The following RTF2 variants were observed in gnomAD, a reference collection of about 807,000 sequenced individuals.
RTF2 encodes UPF0549 protein C20orf43.
RTF2 carries 18 observed loss-of-function variants against 38.0 expected under a neutral mutation model. The observed-to-expected ratio is 0.47, with a 90% CI of 0.33 to 0.70. RTF2 has a LOEUF of 0.70. Among genes scored for constraint, RTF2 ranks in the 30% least tolerant of loss-of-function variants. RTF2 has a pLI of 0.02. For missense variants in RTF2, 311 were observed against 379.6 expected (o/e 0.82, Z 1.50); for synonymous variants, 126 against 137.1 (o/e 0.92, Z 0.57).
At chr20:56,468,890 A>T in intron 1 of RTF2, 124 bp downstream of exon 1, 1 of 723,192 alleles carries the variant, frequency 1.4e-6, no homozygotes. Flanking sequence ...CTTTTATTCC[A>T]TTCAGAGGAC....
intron 5 of RTF2, chr20:56,496,909 C>T: frequency 2.6e-6 from 4 of 1,551,692 alleles, no homozygotes; most frequent in Non-Finnish European, 3.5e-6. Context: ...GGTTGGATTA[C>T]TCCAGGAGTA....
intron 3 of RTF2, among the ~76,000 whole-genome samples, chr20:56,476,381 G>A (rs1292912140): frequency 1.3e-5 from 2 of 152,188 alleles, no homozygotes; most frequent in East Asian, 3.9e-4. Flanking sequence ...AGAGCTTTCT[G>A]TTAGTGGAGT....
intron 5 of RTF2, among the ~76,000 whole-genome samples, chr20:56,508,206 G>C (rs1459919513): frequency 6.6e-6 from 1 of 152,160 alleles, no homozygotes; most frequent in Non-Finnish European, 1.5e-5. Flanking sequence ...AAATAACCCA[G>C]CTAAGGCAGG....
At chr20:56,501,820 A>G (rs1983945988) in intron 5 of RTF2, among the ~76,000 whole-genome samples, 1 of 152,160 alleles carries the variant, frequency 6.6e-6, no homozygotes, top group Non-Finnish European at 1.5e-5. Flanking sequence ...GTGAGCCGTG[A>G]TCATGCCCAC....
At chr20:56,475,480 AG>A (rs1166053619) in intron 3 of RTF2, among the ~76,000 whole-genome samples, 1 of 152,160 alleles carries the variant, frequency 6.6e-6, no homozygotes. Context: ...GGTTGATTAT[AG>A]GATATGTTCA....
At chr20:56,482,629 A>G (rs936819865) in intron 4 of RTF2, among the ~76,000 whole-genome samples, 2 of 152,272 alleles carry the variant, frequency 1.3e-5, no homozygotes, top group Non-Finnish European at 2.9e-5. Context: ...CTTCCTAATA[A>G]TTTGTAAGTA....
Position 56,519,381 on chromosome 20 carries a change from G to C in RTF2, c.*1116G>C, listed in dbSNP as rs949522190. 1 of 152,124 alleles carries C rather than the reference G, an allele frequency of 6.6e-6. No individual in the cohort carries two copies. Among genetic ancestry groups the C allele is most frequent in the South Asian group, 2.1e-4 (1 of 4,820 alleles). The allele number at this position is 152,124 out of a possible 1,614,324, so 9.4% of individuals were successfully genotyped here. A position where few individuals can be genotyped will look rare whatever the true frequency, so the allele number is the denominator to read the frequency against. The stretch of plus-strand genomic sequence containing the variant: ...TGTGGTTCCCGGCTTCACAGTTGAT[G>C]GGAAGGTTTGGCCCCAAGGATATTT... On this transcript the variant is annotated 3_prime_UTR_variant, in exon 9 of 9. Transcript: ENST00000357348.
At chr20:56,497,803 A>G (rs1568702928) in intron 5 of RTF2, 5 of 327,644 alleles carry the variant, frequency 1.5e-5, no homozygotes, top group Non-Finnish European at 2.8e-5. Flanking sequence ...TCACTCTTCA[A>G]AGTGTTCTTA....
At position 56,518,218 on chromosome 20, in the gene RTF2, AAGG is replaced by A; in HGVS notation, c.880_882del (p.Glu294del). 6.2e-7 allele frequency: 1 copy of A among 1,614,060 alleles called. No homozygotes were observed. The highest frequency in any genetic ancestry group is 8.5e-7 in the Non-Finnish European group (1 of 1,179,966). ...CACTCACAGCTCCGCCAAGCGCTCC[AAGG>A]AGGAGTCTGCCCACTGGGTCACCCA... is the stretch of plus-strand genomic sequence containing the variant. On this transcript the variant is annotated inframe_deletion, in exon 9 of 9. Coordinates refer to ENST00000357348, the MANE Select transcript of RTF2 (RefSeq NM_016407.5).
At chr20:56,517,396 G>A (rs1985117662) in intron 8 of RTF2, among the ~76,000 whole-genome samples, 195 bp downstream of exon 8, 1 of 152,134 alleles carries the variant, frequency 6.6e-6, no homozygotes, top group Non-Finnish European at 1.5e-5. Flanking sequence ...GCCGTGGCAG[G>A]AGTGATGGGG....
Position 56,496,504 on chromosome 20 carries a change from C to T in RTF2, c.477+12315C>T, listed in dbSNP as rs376149329. 4.2e-4 allele frequency: 398 copies of T among 940,850 alleles called. No homozygotes were observed. The African/African-American group carries it at 4.6e-3, about 11-fold the overall frequency. 58.3% of individuals were successfully genotyped at this position (940,850 alleles called of 1,614,324 possible). A position where few individuals can be genotyped will look rare whatever the true frequency, so the allele number is the denominator to read the frequency against. On this transcript the variant is annotated intron_variant, in intron 5 of 8. Transcript: ENST00000357348. ...TGGAGCTTGCAGTGAGCCGAGATCG[C>T]GCCACTGCACTCCAGCCTCGGTGAC...
At chr20:56,515,042 A>G (rs1428993076) in intron 6 of RTF2, among the ~76,000 whole-genome samples, 1 of 151,972 alleles carries the variant, frequency 6.6e-6, no homozygotes, top group Admixed American at 6.6e-5. Flanking sequence ...CTCTAAAAAA[A>G]AAAAAAAAGC....
chr20:56,518,041 T>G (rs1165751207), intron 8 of RTF2, 46 bp from the exon 9 acceptor site: 2 of 1,557,696 alleles, frequency 1.3e-6, no homozygotes, highest in East Asian at 4.5e-5. Flanking sequence ...AAGTTTAGAA[T>G]CATCTTTATC....
chr20:56,491,761 G>A (rs1392725543), intron 5 of RTF2: 28 of 1,551,686 alleles, frequency 1.8e-5, no homozygotes, highest in South Asian at 5.9e-5. Context: ...GTCCGTATAC[G>A]CAGATGTCTT....
intron 5 of RTF2, chr20:56,497,134 T>A: frequency 6.4e-7 from 1 of 1,551,698 alleles, no homozygotes; most frequent in Non-Finnish European, 8.7e-7. Flanking sequence ...TCAAAACAGT[T>A]AACCAAGGTT....
At chr20:56,491,018 G>A (rs1422616732) in intron 5 of RTF2, among the ~76,000 whole-genome samples, 2 of 152,162 alleles carry the variant, frequency 1.3e-5, no homozygotes, top group Admixed American at 6.5e-5. Flanking sequence ...GACACTTGGG[G>A]CACCCTTTTT....
intron 6 of RTF2, among the ~76,000 whole-genome samples, chr20:56,514,985 T>C (rs1213443691): frequency 1.3e-5 from 2 of 150,926 alleles, no homozygotes; most frequent in East Asian, 3.9e-4. Context: ...AGGCGGAGGT[T>C]GCAGTGAGCC....
intron 1 of RTF2, chr20:56,471,066 G>T (rs1386640787): frequency 1.1e-5 from 2 of 186,622 alleles, no homozygotes; most frequent in Non-Finnish European, 2.3e-5. Context: ...CTTGTGATTG[G>T]CATCTAAAGT....
chr20:56,496,710 T>C, intron 5 of RTF2: 2 of 1,551,694 alleles, frequency 1.3e-6, no homozygotes, highest in Non-Finnish European at 1.7e-6. Context: ...CTGAAGCATG[T>C]CTTTTGCATG....
Sources: gnomAD v4.1 joint callset for allele counts (sites outside exome capture counted in the v4.1 genomes callset) on GRCh38, gnomAD v4.1.1 for gene constraint, MANE v1.5 for transcripts, NCBI Gene and HGNC (gene_info 2026-07-23, HGNC 2026-07-21) for gene names.